The following OR2C1 variants were observed in gnomAD, a reference collection of about 807,000 sequenced individuals.
OR2C1 encodes the protein olfactory receptor 2C1.
For synonymous variants in OR2C1, 209 were observed against 167.3 expected, an observed-to-expected ratio of 1.25 and a Z score of -1.92; for missense variants, 468 against 388.3, an observed-to-expected ratio of 1.21 and a Z score of -1.73.
rs758078126 is a variant in OR2C1 at position 3,356,100 on chromosome 16, C to T, written c.160C>T (p.Arg54Trp). The T allele has an allele frequency of 2.5e-5, 41 of 1,614,060 alleles. 1 individual carries two copies. The highest frequency in any genetic ancestry group is 1.5e-4 in the South Asian group (14 of 91,094). Reference sequence around the variant, plus strand: ...CATCTTGCTTTCCCGCCTGGAGGCCCGGCTCCATACACCCATGTACTTCTT... The same window carrying T: ...CATCTTGCTTTCCCGCCTGGAGGCCTGGCTCCATACACCCATGTACTTCTT... The part of the protein sequence containing the change: ...TIILLSRLEA[R>W]LHTPMYFFLS... The change falls in exon 1 of 1, where the codon CGG (arginine) becomes TGG (tryptophan). Residue 54 changes from arginine (R) to tryptophan (W), a missense_variant. Arg to Trp is a moderately radical substitution (Grantham distance 101). Transcript: ENST00000304936.
the OR2C1 span, among the ~76,000 whole-genome samples, chr16:3,341,942 G>A: frequency 6.6e-6 from 1 of 152,068 alleles, no homozygotes; most frequent in South Asian, 2.1e-4. Context: ...AGTACACTTG[G>A]GCATTTATCC....
upstream of OR2C1, among the ~76,000 whole-genome samples, chr16:3,355,211 C>G (rs1399122219): frequency 1.3e-5 from 2 of 151,726 alleles, no homozygotes; most frequent in Non-Finnish European, 2.9e-5. Flanking sequence ...ACCTGTAATC[C>G]CAGCTTTTTG....
the OR2C1 span, among the ~76,000 whole-genome samples, chr16:3,335,780 T>G: frequency 1.3e-5 from 2 of 152,184 alleles, no homozygotes; most frequent in Admixed American, 1.3e-4. Flanking sequence ...TCTACCAACT[T>G]TACTGAACTT....
the OR2C1 span, among the ~76,000 whole-genome samples, chr16:3,334,489 G>T: frequency 6.7e-6 from 1 of 149,852 alleles, no homozygotes; most frequent in African/African-American, 2.4e-5. Context: ...TGTTGCCCAG[G>T]CTGGTCTCGA....
chr16:3,353,555 C>A (rs1298052132), upstream of OR2C1, among the ~76,000 whole-genome samples: 3 of 149,316 alleles, frequency 2.0e-5, no homozygotes, highest in African/African-American at 7.4e-5. Context: ...AATCCCAACA[C>A]TTTGGGAGGC....
At chr16:3,330,521 C>T in the OR2C1 span, among the ~76,000 whole-genome samples, 2 of 152,138 alleles carry the variant, frequency 1.3e-5, no homozygotes, top group South Asian at 4.2e-4. Context: ...AGAAATAGAC[C>T]CGCATAGATA....
At chr16:3,354,129 G>A (rs1432592189), upstream of OR2C1, among the ~76,000 whole-genome samples, 2 of 151,812 alleles carry the variant, frequency 1.3e-5, no homozygotes, top group Non-Finnish European at 2.9e-5. Context: ...GGCTGCAGGC[G>A]CCCGCCACCA....
At chr16:3,346,624 C>CTT in the OR2C1 span, among the ~76,000 whole-genome samples, 9,632 of 128,008 alleles carry the variant, frequency 0.075, 1,128 homozygotes, top group African/African-American at 0.21. Context: ...GTCCATGCAT[C>CTT]TTTTTTTTTT....
chr16:3,355,217 T>C (rs12930849), upstream of OR2C1, among the ~76,000 whole-genome samples: 131,172 of 151,310 alleles, frequency 0.87, 56,863 homozygotes, highest in South Asian at 0.93. Context: ...AATCCCAGCT[T>C]TTTGAGAGGC....
upstream of OR2C1, among the ~76,000 whole-genome samples, chr16:3,353,523 G>A (rs1415150008): frequency 2.7e-5 from 4 of 150,464 alleles, no homozygotes; most frequent in African/African-American, 9.8e-5. Flanking sequence ...TAAGTAGGCC[G>A]GGAATGGTAG....
the OR2C1 span, among the ~76,000 whole-genome samples, chr16:3,342,568 C>T: frequency 6.6e-6 from 1 of 151,986 alleles, no homozygotes; most frequent in African/African-American, 2.4e-5. Flanking sequence ...TCTATCTATA[C>T]CATGGAATAA....
the OR2C1 span, among the ~76,000 whole-genome samples, chr16:3,330,301 A>G: frequency 1.3e-5 from 2 of 151,574 alleles, no homozygotes; most frequent in Admixed American, 1.3e-4. Context: ...CTTTTTTAGT[A>G]GAGACAGGGT....
At chr16:3,349,735 T>A in the OR2C1 span, among the ~76,000 whole-genome samples, 1 of 151,774 alleles carries the variant, frequency 6.6e-6, no homozygotes, top group Non-Finnish European at 1.5e-5. Context: ...AAATAGCTTT[T>A]TAAAGGCACT....
the OR2C1 span, among the ~76,000 whole-genome samples, chr16:3,342,205 C>T: frequency 6.6e-6 from 1 of 152,090 alleles, no homozygotes; most frequent in Non-Finnish European, 1.5e-5. Context: ...GAGCTAAGAT[C>T]ATGCCACTGC....
At chr16:3,330,188 G>T in the OR2C1 span, among the ~76,000 whole-genome samples, 1 of 150,440 alleles carries the variant, frequency 6.6e-6, no homozygotes, top group South Asian at 2.1e-4. Flanking sequence ...CCCACTGCAA[G>T]CTCTGCCTTC....
the OR2C1 span, among the ~76,000 whole-genome samples, chr16:3,344,596 G>A: frequency 1.1e-3 from 160 of 152,026 alleles, no homozygotes; most frequent in African/African-American, 3.7e-3. Context: ...GCATGGTGGC[G>A]GGCGCCTGTA....
At position 3,357,041 on chromosome 16, in the gene OR2C1, T is replaced by C; in HGVS notation, c.*162T>C. On this transcript the variant is annotated 3_prime_UTR_variant, in exon 1 of 1. Coordinates refer to ENST00000304936, the MANE Select transcript of OR2C1 (RefSeq NM_012368.3). ...CCTAAGCTGTTGGGAACATGGTTAG[T>C]GTTATTCGTAATGTTCTACACTTAT... The C allele has an allele frequency of 1.5e-6, 1 of 646,704 alleles. No individual in the cohort carries two copies. The highest frequency in any genetic ancestry group is 2.0e-5 in the South Asian group (1 of 49,734). The allele number at this position is 646,704 out of a possible 1,614,324, so 40.1% of individuals were successfully genotyped here.
chr16:3,351,433 G>A (rs748095587), upstream of OR2C1, among the ~76,000 whole-genome samples: 1 of 151,750 alleles, frequency 6.6e-6, no homozygotes, highest in Non-Finnish European at 1.5e-5. Context: ...CCTCATAATA[G>A]TGAAGACATT....
At chr16:3,339,614 G>A in the OR2C1 span, among the ~76,000 whole-genome samples, 2 of 151,992 alleles carry the variant, frequency 1.3e-5, no homozygotes, top group East Asian at 3.9e-4. Context: ...CCACCACTAT[G>A]CCCGGCTAAT....
Sources: gnomAD v4.1 joint callset for allele counts (sites outside exome capture counted in the v4.1 genomes callset) on GRCh38, gnomAD v4.1.1 for gene constraint, MANE v1.5 for transcripts, NCBI Gene and HGNC (gene_info 2026-07-23, HGNC 2026-07-21) for gene names.